GALNT7: variants seen among roughly 807,000 people sequenced by gnomAD.
GALNT7 encodes N-acetylgalactosaminyltransferase 7.
GALNT7 carries 60 observed loss-of-function variants against 82.1 expected under a neutral mutation model. That is an observed-to-expected ratio of 0.73 (90% CI 0.59 to 0.91). The LOEUF is 0.91. Among genes scored for constraint, GALNT7 ranks in the 40% least tolerant of loss-of-function variants. The probability of loss-of-function intolerance (pLI) is 0.00; values close to 1 mark genes in which losing one functional copy is unlikely to be tolerated. For synonymous variants in GALNT7, 243 were observed against 275.1 expected (o/e 0.88, Z 1.15); for missense variants, 660 against 804.2 (o/e 0.82, Z 2.17).
chr4:173,171,853 T>C (rs940037190), intron 1 of GALNT7, among the ~76,000 whole-genome samples: 12 of 152,254 alleles, frequency 7.9e-5, no homozygotes, highest in African/African-American at 2.9e-4. Context: ...CAAACCTCGA[T>C]AAATATATAA....
At chr4:173,245,577 G>A (rs1239579825) in intron 1 of GALNT7, among the ~76,000 whole-genome samples, 2 of 152,118 alleles carry the variant, frequency 1.3e-5, no homozygotes, top group Non-Finnish European at 2.9e-5. Flanking sequence ...CTGAAGTGGA[G>A]GAGAATGTCT....
intron 1 of GALNT7, among the ~76,000 whole-genome samples, chr4:173,184,152 C>G (rs28507829): frequency 1.4e-5 from 2 of 146,916 alleles, no homozygotes; most frequent in African/African-American, 2.5e-5. Context: ...ACATCCCAGA[C>G]GATGGGCGGC....
chr4:173,252,226 C>T (rs1278117689), intron 2 of GALNT7, among the ~76,000 whole-genome samples: 2 of 152,200 alleles, frequency 1.3e-5, no homozygotes, highest in South Asian at 2.1e-4. Context: ...TGAGGATGCA[C>T]CCTTCCTCAT....
chr4:173,315,322 T>A lies in GALNT7; in HGVS notation c.1608+1146T>A, dbSNP rs557261738. 2.6e-5 allele frequency among the ~76,000 whole-genome samples: 4 copies of A among 152,070 alleles called. No homozygotes were observed. In the South Asian group the frequency reaches 8.3e-4, roughly 32 times the overall value. On this transcript the variant is annotated intron_variant, in intron 9 of 11. Coordinates refer to ENST00000265000, the MANE Select transcript of GALNT7 (RefSeq NM_017423.3). ...ATTGGGAAGATAGTAGGGGAGTGAATGGAGGGGGCAAGGCTTCTGTTGGTG... is the reference window on the plus strand; with the variant it reads ...ATTGGGAAGATAGTAGGGGAGTGAAAGGAGGGGGCAAGGCTTCTGTTGGTG...
intron 1 of GALNT7, among the ~76,000 whole-genome samples, chr4:173,190,551 A>ATCTTGG (rs1409444105): frequency 5.3e-5 from 8 of 152,162 alleles, no homozygotes; most frequent in Non-Finnish European, 8.8e-5. Flanking sequence ...TATCTAGTGT[A>ATCTTGG]AATCTGATCT....
chr4:173,223,506 A>T (rs1733706549), intron 1 of GALNT7, among the ~76,000 whole-genome samples: 1 of 152,164 alleles, frequency 6.6e-6, no homozygotes, highest in African/African-American at 2.4e-5. Context: ...AAAGAACTGC[A>T]CAATGCATTT....
chr4:173,265,059 C>G (rs1189111857), intron 2 of GALNT7, among the ~76,000 whole-genome samples: 1 of 152,252 alleles, frequency 6.6e-6, no homozygotes, highest in African/African-American at 2.4e-5. Context: ...CATGTACAAG[C>G]CACTCAACAC....
chr4:173,270,949 A>G (rs1031205695), intron 2 of GALNT7, among the ~76,000 whole-genome samples: 2 of 152,376 alleles, frequency 1.3e-5, no homozygotes, highest in African/African-American at 4.8e-5. Flanking sequence ...ATTAGATGGA[A>G]TAACCAGCTG....
chr4:173,297,799 A>G (rs1736773853), intron 5 of GALNT7: 6 of 1,415,648 alleles, frequency 4.2e-6, no homozygotes, highest in South Asian at 1.6e-5. Flanking sequence ...TTTCAGAACT[A>G]CATGTACTGT....
At chr4:173,218,796 C>A (rs919238827) in intron 1 of GALNT7, among the ~76,000 whole-genome samples, 2 of 152,082 alleles carry the variant, frequency 1.3e-5, no homozygotes, top group African/African-American at 4.8e-5. Flanking sequence ...CCAGTGCTTC[C>A]ATTCATTCAT....
chr4:173,307,383 T>C (rs1172061620), intron 8 of GALNT7, among the ~76,000 whole-genome samples: 1 of 152,200 alleles, frequency 6.6e-6, no homozygotes, highest in Non-Finnish European at 1.5e-5. Context: ...AGGTACCAGA[T>C]GTTTGTGAGA....
At chr4:173,222,081 C>G (rs1449192678) in intron 1 of GALNT7, among the ~76,000 whole-genome samples, 3 of 152,142 alleles carry the variant, frequency 2.0e-5, no homozygotes, top group African/African-American at 7.2e-5. Flanking sequence ...CATGATAGAA[C>G]TAGGAACCAT....
chr4:173,190,843 C>T (rs1195858044), intron 1 of GALNT7, among the ~76,000 whole-genome samples: 1 of 152,142 alleles, frequency 6.6e-6, no homozygotes, highest in Non-Finnish European at 1.5e-5. Context: ...ATAATCCCTA[C>T]TCCACGTATG....
At chr4:173,181,344 A>G (rs1732241086) in intron 1 of GALNT7, among the ~76,000 whole-genome samples, 2 of 152,196 alleles carry the variant, frequency 1.3e-5, no homozygotes, top group Admixed American at 6.5e-5. Flanking sequence ...GTGTTCGTCA[A>G]AGAGGCTGGA....
rs566263598 is a variant in GALNT7, at chr4:173,178,048, T to TGCGCGC, written c.126+9088_126+9089insCGCGCG. Among the ~76,000 whole-genome samples the TGCGCGC allele has an allele frequency of 7.1e-3, 810 of 113,648 alleles. 8 individuals are homozygous for TGCGCGC. Among genetic ancestry groups the TGCGCGC allele is most frequent in the South Asian group, 0.033 (108 of 3,258 alleles). 74.6% of individuals were successfully genotyped at this position (113,648 alleles called of 152,430 possible). A position where few individuals can be genotyped will look rare whatever the true frequency, so the allele number is the denominator to read the frequency against. ...GTGTGTGTGTGTGTGTGTGTGTGTGTGTGTGCGCGCACGCGCGTGCGCACA... is the reference window on the plus strand; with the variant it reads ...GTGTGTGTGTGTGTGTGTGTGTGTGTGCGCGCGTGTGCGCGCACGCGCGTGCGCACA... On this transcript the variant is annotated intron_variant, in intron 1 of 11. Transcript: ENST00000265000.
rs536246470 is a variant in GALNT7 at position 173,169,060 on chromosome 4, C to T, written c.126+99C>T. Reference sequence around the variant, plus strand: ...CAGGGGCGGCGGGGTCGCGGCACGGCGTGGGCACCGCAGCTCCGCAGGTGG... The same window carrying T: ...CAGGGGCGGCGGGGTCGCGGCACGGTGTGGGCACCGCAGCTCCGCAGGTGG... On this transcript the variant is annotated intron_variant, in intron 1 of 11. Transcript: ENST00000265000. The T allele has an allele frequency of 2.5e-6, 3 of 1,220,110 alleles. No individual in the cohort carries two copies. In the South Asian group the frequency reaches 4.2e-5, roughly 17 times the overall value. 75.6% of individuals were successfully genotyped at this position (1,220,110 alleles called of 1,614,324 possible). A position where few individuals can be genotyped will look rare whatever the true frequency, so the allele number is the denominator to read the frequency against.
rs1314268502 is a variant in GALNT7, at chr4:173,322,156, A to T, written c.*439A>T. Reference sequence around the variant, plus strand: ...TTATCAACCTGTTGTGTCTTTATTTAATTTTACATCTTTTTGAAGCACTGC... The same window carrying T: ...TTATCAACCTGTTGTGTCTTTATTTTATTTTACATCTTTTTGAAGCACTGC... On this transcript the variant is annotated 3_prime_UTR_variant, in exon 12 of 12. Transcript: ENST00000265000. 1 of 153,698 alleles carries T rather than the reference A, an allele frequency of 6.5e-6. No individual in the cohort carries two copies. The highest frequency in any genetic ancestry group is 1.5e-5 in the Non-Finnish European group (1 of 68,730). 9.5% of individuals were successfully genotyped at this position (153,698 alleles called of 1,614,324 possible).
At chr4:173,195,496 G>T (rs1304049533) in intron 1 of GALNT7, among the ~76,000 whole-genome samples, 2 of 152,020 alleles carry the variant, frequency 1.3e-5, no homozygotes, top group Non-Finnish European at 2.9e-5. Flanking sequence ...AGGATCTTAG[G>T]GTCATGCTGC....
intron 3 of GALNT7, among the ~76,000 whole-genome samples, chr4:173,294,015 T>G (rs1231208370): frequency 1.3e-5 from 2 of 152,218 alleles, no homozygotes; most frequent in Non-Finnish European, 2.9e-5. Flanking sequence ...GGAAGGGCAG[T>G]GAATATTTTG....
Sources: gnomAD v4.1 joint callset for allele counts (sites outside exome capture counted in the v4.1 genomes callset) on GRCh38, gnomAD v4.1.1 for gene constraint, MANE v1.5 for transcripts, NCBI Gene and HGNC (gene_info 2026-07-23, HGNC 2026-07-21) for gene names.